Variants in MICU3 observed in about 807,000 individuals in gnomAD.
MICU3 encodes calcium uptake protein 3, mitochondrial.
In MICU3, 62 loss-of-function variants were observed where a neutral mutation model predicts 66.5. The observed-to-expected ratio is 0.93, with a 90% confidence interval of 0.76 to 1.15. The LOEUF (loss-of-function observed/expected upper bound fraction) is 1.15, where lower values mean the gene tolerates loss of function less well. MICU3 is among the 50% of genes most tolerant of loss of function. MICU3 has a pLI of 0.00. For missense variants in MICU3, 779 were observed against 664.4 expected (o/e 1.17, Z -1.90); for synonymous variants, 308 against 240.7 (o/e 1.28, Z -2.59).
intron 1 of MICU3, among the ~76,000 whole-genome samples, chr8:17,050,230 T>G (rs962891467): frequency 8.5e-5 from 13 of 152,130 alleles, no homozygotes; most frequent in African/African-American, 2.9e-4. Context: ...TAGTAAGTAA[T>G]GAGCAGTTTT....
intron 2 of MICU3, among the ~76,000 whole-genome samples, 194 bp from the exon 3 acceptor site, chr8:17,069,494 G>A (rs1167294675): frequency 1.3e-5 from 2 of 152,048 alleles, no homozygotes; most frequent in Non-Finnish European, 2.9e-5. Context: ...TATGAACAGT[G>A]CATAGTATAT....
rs1405651612 is a variant in MICU3, at chr8:17,067,514, C to G, written c.536-2174C>G. Among the ~76,000 whole-genome samples, 2 of 152,042 alleles carry G rather than the reference C, an allele frequency of 1.3e-5. 1 individual carries two copies. Among genetic ancestry groups the G allele is most frequent in the Admixed American group, 1.3e-4 (2 of 15,276 alleles). ...GGGTGATCTCAGCTCACTGCAACCT[C>G]CGCTTCCTGGGTTCAAGTGATTCTC... On this transcript the variant is annotated intron_variant, in intron 2 of 14. Transcript: ENST00000318063.
intron 11 of MICU3, among the ~76,000 whole-genome samples, chr8:17,107,798 T>C (rs137974424): frequency 6.6e-6 from 1 of 152,218 alleles, no homozygotes; most frequent in Admixed American, 6.5e-5. Flanking sequence ...TCAGCAAATA[T>C]TCAACAAGTA....
At chr8:17,085,618 A>G (rs764089468) in intron 6 of MICU3, among the ~76,000 whole-genome samples, 2 of 152,074 alleles carry the variant, frequency 1.3e-5, no homozygotes, top group East Asian at 1.9e-4. Context: ...TACATGCCCA[A>G]TTAATATTCA....
chr8:17,093,919 A>C (rs1234205), intron 8 of MICU3, among the ~76,000 whole-genome samples: 1 of 151,924 alleles, frequency 6.6e-6, no homozygotes, highest in Non-Finnish European at 1.5e-5. Context: ...AAAATAAATA[A>C]TGATAAAATT....
intron 11 of MICU3, among the ~76,000 whole-genome samples, chr8:17,108,045 A>G (rs954068325): frequency 2.0e-5 from 3 of 152,152 alleles, no homozygotes; most frequent in Admixed American, 2.0e-4. Context: ...TTTAAAAAGT[A>G]GAGCTGATAG....
chr8:17,051,347 C>G (rs1816044853), intron 1 of MICU3, among the ~76,000 whole-genome samples: 2 of 152,192 alleles, frequency 1.3e-5, no homozygotes, highest in South Asian at 4.1e-4. Context: ...AAGCCAAAAA[C>G]TCTTCTAGGC....
At chr8:17,032,028 A>C (rs1812164126) in intron 1 of MICU3, among the ~76,000 whole-genome samples, 1 of 152,344 alleles carries the variant, frequency 6.6e-6, no homozygotes, top group African/African-American at 2.4e-5. Context: ...TCCTAGCCTG[A>C]TAGGCACAAT....
chr8:17,107,741 A>T (rs1801860827), intron 11 of MICU3, among the ~76,000 whole-genome samples: 1 of 152,174 alleles, frequency 6.6e-6, no homozygotes, highest in Non-Finnish European at 1.5e-5. Context: ...CTGGCCCTTT[A>T]CAGAAAAAGT....
intron 3 of MICU3, among the ~76,000 whole-genome samples, chr8:17,072,594 GCAACATATCAA>G (rs1819758520): frequency 6.6e-6 from 1 of 152,044 alleles, no homozygotes; most frequent in African/African-American, 2.4e-5. Context: ...GGATATGCAT[GCAACATATCAA>G]CAGAAGAGGG....
At chr8:17,058,709 C>G (rs769069194) in intron 1 of MICU3, among the ~76,000 whole-genome samples, 3 of 152,132 alleles carry the variant, frequency 2.0e-5, no homozygotes, top group Admixed American at 6.6e-5. Flanking sequence ...TCCAGTAGAT[C>G]GAGTATACTC....
At chr8:17,133,365 C>A in the MICU3 span, among the ~76,000 whole-genome samples, 6 of 152,206 alleles carry the variant, frequency 3.9e-5, no homozygotes, top group Middle Eastern at 3.4e-3. Flanking sequence ...TATGGGTTAT[C>A]TATTTCTGTC....
intron 4 of MICU3, among the ~76,000 whole-genome samples, chr8:17,080,953 T>C (rs1821091914): frequency 6.6e-6 from 1 of 152,192 alleles, no homozygotes; most frequent in African/African-American, 2.4e-5. Context: ...TCTCAGTATC[T>C]ACTTGGAAGG....
intron 1 of MICU3, among the ~76,000 whole-genome samples, chr8:17,046,340 C>T (rs1815084929): frequency 6.6e-6 from 1 of 152,110 alleles, no homozygotes; most frequent in African/African-American, 2.4e-5. Context: ...CCTCCTCATA[C>T]CTCACATTTG....
the MICU3 span, among the ~76,000 whole-genome samples, chr8:17,134,431 TTTTG>T: frequency 0.047 from 6,948 of 148,684 alleles, 207 homozygotes; most frequent in Middle Eastern, 0.11. Flanking sequence ...AAAGTCAGCC[TTTTG>T]TTTGTTTGTT....
chr8:17,090,821 G>T (rs1393951690), intron 8 of MICU3: 2 of 344,712 alleles, frequency 5.8e-6, no homozygotes, highest in Non-Finnish European at 1.0e-5. Context: ...TAAGGAAAAG[G>T]TAAGTGTACA....
intron 6 of MICU3, among the ~76,000 whole-genome samples, chr8:17,085,614 C>T (rs1165743157): frequency 2.0e-5 from 3 of 152,042 alleles, no homozygotes; most frequent in Non-Finnish European, 2.9e-5. Flanking sequence ...GTTATACATG[C>T]CCAATTAATA....
intron 1 of MICU3, among the ~76,000 whole-genome samples, chr8:17,031,134 T>C (rs931293770): frequency 6.6e-6 from 1 of 151,976 alleles, no homozygotes; most frequent in Non-Finnish European, 1.5e-5. Flanking sequence ...AGGAGGATCA[T>C]GTGAGACCAG....
At chr8:17,056,427 C>T (rs973038287) in intron 1 of MICU3, among the ~76,000 whole-genome samples, 5 of 152,204 alleles carry the variant, frequency 3.3e-5, no homozygotes, top group African/African-American at 1.2e-4. Flanking sequence ...TTGCTGCCTG[C>T]TCCTGCAGTC....
Sources: gnomAD v4.1 joint callset for allele counts (sites outside exome capture counted in the v4.1 genomes callset) on GRCh38, gnomAD v4.1.1 for gene constraint, MANE v1.5 for transcripts, NCBI Gene and HGNC (gene_info 2026-07-23, HGNC 2026-07-21) for gene names.